Variants in CPXM2 observed in about 807,000 individuals in gnomAD.
The protein encoded by CPXM2 is inactive carboxypeptidase-like protein X2.
Under a neutral mutation model 86.1 loss-of-function variants are expected in CPXM2, and 66 were observed. The observed-to-expected ratio is 0.77, with a 90% CI of 0.63 to 0.94. CPXM2 has a LOEUF of 0.94. Ranked by LOEUF, CPXM2 falls within the 40% of genes least tolerant of loss-of-function variation. The probability of loss-of-function intolerance (pLI) is 0.00; values close to 1 mark genes in which losing one functional copy is unlikely to be tolerated. For missense variants in CPXM2, 948 were observed against 1,026.3 expected (o/e 0.92, Z 1.04); for synonymous variants, 388 against 400.2 (o/e 0.97, Z 0.36).
At chr10:123,750,105 C>T in intron 13 of CPXM2, 1 of 984,474 alleles carries the variant, frequency 1.0e-6, no homozygotes, top group South Asian at 4.7e-5. Context: ...AGGCATGAGC[C>T]ACCATGCCAG....
chr10:123,767,417 G>A (rs898446056), intron 9 of CPXM2, among the ~76,000 whole-genome samples: 2 of 152,200 alleles, frequency 1.3e-5, no homozygotes, highest in African/African-American at 4.8e-5. Flanking sequence ...AAAAGCATTA[G>A]GTTCCTTCTT....
intron 4 of CPXM2, among the ~76,000 whole-genome samples, chr10:123,816,172 T>C (rs572304049): frequency 1.3e-5 from 2 of 152,222 alleles, no homozygotes; most frequent in South Asian, 4.1e-4. Context: ...CCAGAAGATA[T>C]ACCCTTTACT....
upstream of CPXM2, among the ~76,000 whole-genome samples, chr10:123,941,963 G>T (rs1945781798): frequency 6.6e-6 from 1 of 152,232 alleles, no homozygotes; most frequent in South Asian, 2.1e-4. Flanking sequence ...TTGTGAAAGA[G>T]CTTAAAATAG....
intron 4 of CPXM2, among the ~76,000 whole-genome samples, chr10:123,836,581 C>T (rs1164404325): frequency 6.6e-6 from 1 of 152,224 alleles, no homozygotes; most frequent in Non-Finnish European, 1.5e-5. Flanking sequence ...AGAGCCCTCT[C>T]TGCAACTGGA....
chr10:123,757,421 C>A (rs761203412), intron 11 of CPXM2, 69 bp from the exon 12 acceptor site: 4 of 1,337,374 alleles, frequency 3.0e-6, no homozygotes. Flanking sequence ...TGCGGCACAG[C>A]GGGCAGCAAG....
chr10:123,913,917 C>T, intron 2 of CPXM2: 1 of 448,388 alleles, frequency 2.2e-6, no homozygotes, highest in Non-Finnish European at 4.5e-6. Context: ...CTGCCCACAG[C>T]CTATGCAATA....
intron 3 of CPXM2, among the ~76,000 whole-genome samples, chr10:123,855,170 C>T (rs560174587): frequency 9.4e-4 from 143 of 152,154 alleles, no homozygotes; most frequent in Non-Finnish European, 1.6e-3. Context: ...GTTTTGGCAT[C>T]CAAACACTGT....
intron 6 of CPXM2, among the ~76,000 whole-genome samples, chr10:123,783,038 G>C (rs1846970380): frequency 6.6e-6 from 1 of 152,220 alleles, no homozygotes; most frequent in African/African-American, 2.4e-5. Context: ...CTCCAAGACA[G>C]TTTACAGATG....
chr10:123,784,422 C>T (rs1395215425), intron 6 of CPXM2, among the ~76,000 whole-genome samples: 1 of 152,116 alleles, frequency 6.6e-6, no homozygotes, highest in South Asian at 2.1e-4. Context: ...GTTATACCAG[C>T]CCTAGGAAGC....
rs750148969 is a variant in CPXM2 at position 123,757,277 on chromosome 10, T to C, written c.1853A>G (p.His618Arg). The C allele has an allele frequency of 1.9e-6, 3 of 1,613,790 alleles. No individual in the cohort carries two copies. The highest frequency in any genetic ancestry group is 2.2e-5 in the South Asian group (2 of 91,066). ...CCACTCCTCGGGCAGCTGGCTCTCA[T>C]GTGGGTATTTATCACAGCCCACGTA... ...SIYVGCDKYP[H>R]ESQLPEEWEN... is the part of the protein sequence containing the mutation. Residue 618 changes from histidine to arginine, a missense_variant, in exon 12 of 14, where the codon CAT becomes CGT. His to Arg is a conservative substitution (Grantham distance 29, BLOSUM62 0). Coordinates refer to ENST00000241305, the MANE Select transcript of CPXM2 (RefSeq NM_198148.3).
chr10:123,920,231 T>C (rs986375641), intron 2 of CPXM2, among the ~76,000 whole-genome samples: 1 of 152,204 alleles, frequency 6.6e-6, no homozygotes, highest in Non-Finnish European at 1.5e-5. Flanking sequence ...CAAAAGATTA[T>C]TGAAAATTAT....
At chr10:123,782,011 G>A (rs984135535) in intron 6 of CPXM2, among the ~76,000 whole-genome samples, 5 of 152,112 alleles carry the variant, frequency 3.3e-5, no homozygotes, top group Non-Finnish European at 5.9e-5. Flanking sequence ...ATTCACAAAC[G>A]GCTTTCCAGT....
intron 1 of CPXM2, among the ~76,000 whole-genome samples, chr10:123,939,892 C>T (rs977435852): frequency 6.6e-6 from 1 of 152,174 alleles, no homozygotes; most frequent in Admixed American, 6.5e-5. Context: ...GGAGAAGGCC[C>T]ACGAGACCAC....
At chr10:123,910,934 T>C (rs1945482726) in intron 2 of CPXM2, among the ~76,000 whole-genome samples, 1 of 152,144 alleles carries the variant, frequency 6.6e-6, no homozygotes. Context: ...TCTGCCTCCA[T>C]GGGGCCATCG....
chr10:123,762,722 A>G (rs1326177622), intron 10 of CPXM2, among the ~76,000 whole-genome samples: 3 of 152,194 alleles, frequency 2.0e-5, no homozygotes, highest in Admixed American at 6.5e-5. Context: ...GAAATTCAAG[A>G]AAAAAAGAAA....
At position 123,791,101 on chromosome 10, in the gene CPXM2, C is replaced by T. The variant is rs574660890; in HGVS notation, c.889+6875G>A. On this transcript the variant is annotated intron_variant, in intron 6 of 13. Coordinates refer to ENST00000241305, the MANE Select transcript of CPXM2 (RefSeq NM_198148.3). ...GTTTCCTGGGACTGCCATAACAAAG[C>T]ACACCACACTCCAGGTGGCTTAAAA... 2.2e-4 allele frequency among the ~76,000 whole-genome samples: 33 copies of T among 152,202 alleles called. 1 individual carries two copies. Among genetic ancestry groups the T allele is most frequent in the Middle Eastern group, 3.4e-3 (1 of 294 alleles).
At chr10:123,882,309 G>T (rs1372901932) in intron 1 of CPXM2, among the ~76,000 whole-genome samples, 1 of 152,226 alleles carries the variant, frequency 6.6e-6, no homozygotes, top group African/African-American at 2.4e-5. Context: ...GCCAGAGGAG[G>T]AAGGCAAGTC....
At chr10:123,916,469 T>G (rs1408166774) in intron 2 of CPXM2, among the ~76,000 whole-genome samples, 1 of 152,192 alleles carries the variant, frequency 6.6e-6, no homozygotes, top group East Asian at 1.9e-4. Flanking sequence ...CTGTGCTCCT[T>G]TCCATGGAGC....
intron 2 of CPXM2, among the ~76,000 whole-genome samples, chr10:123,937,862 C>T (rs1245910634): frequency 6.6e-6 from 1 of 152,068 alleles, no homozygotes; most frequent in Non-Finnish European, 1.5e-5. Flanking sequence ...GAGTGAAATG[C>T]CAATGTCCCC....
Sources: gnomAD v4.1 joint callset for allele counts (sites outside exome capture counted in the v4.1 genomes callset) on GRCh38, gnomAD v4.1.1 for gene constraint, MANE v1.5 for transcripts, NCBI Gene and HGNC (gene_info 2026-07-23, HGNC 2026-07-21) for gene names.